TTC7B: variants seen among roughly 807,000 people sequenced by gnomAD.
TTC7B encodes the protein tetratricopeptide repeat domain 7B.
In TTC7B, 28 loss-of-function variants were observed where a neutral mutation model predicts 106.8. That is an observed-to-expected ratio of 0.26 (90% CI 0.19 to 0.36). The LOEUF is 0.36. Among genes scored for constraint, TTC7B ranks in the 10% least tolerant of loss-of-function variants. TTC7B has a pLI of 1.00. For synonymous variants in TTC7B, 405 were observed against 430.6 expected, an observed-to-expected ratio of 0.94 and a Z score of 0.74; for missense variants, 862 against 1,076.4, an observed-to-expected ratio of 0.80 and a Z score of 2.79.
At chr14:90,555,818 C>T (rs549847886) in intron 19 of TTC7B, among the ~76,000 whole-genome samples, 14 of 152,316 alleles carry the variant, frequency 9.2e-5, no homozygotes, top group South Asian at 4.1e-4. Context: ...GAAAAGAGCA[C>T]GAAGGCAAGC....
chr14:90,583,233 C>T (rs890475895), intron 18 of TTC7B, among the ~76,000 whole-genome samples: 3 of 152,320 alleles, frequency 2.0e-5, no homozygotes, highest in Middle Eastern at 3.4e-3. Flanking sequence ...ATGGCTTTCT[C>T]GCTAAACTGT....
At chr14:90,560,471 G>A (rs1259130482) in intron 19 of TTC7B, among the ~76,000 whole-genome samples, 1 of 152,228 alleles carries the variant, frequency 6.6e-6, no homozygotes, top group East Asian at 1.9e-4. Context: ...AAAGCACACT[G>A]TCGTCTTGAT....
chr14:90,715,485 C>G (rs1387773256), intron 5 of TTC7B, among the ~76,000 whole-genome samples: 1 of 152,206 alleles, frequency 6.6e-6, no homozygotes, highest in Admixed American at 6.5e-5. Flanking sequence ...TTATCAAACC[C>G]TTACATAGTA....
At chr14:90,780,431 G>GAA (rs1891174477) in intron 3 of TTC7B, among the ~76,000 whole-genome samples, 5 of 134,458 alleles carry the variant, frequency 3.7e-5, no homozygotes, top group African/African-American at 1.5e-4. Flanking sequence ...AAGAAAGAAA[G>GAA]AGAGAGAGAG....
chr14:90,724,769 T>C (rs952747390), intron 5 of TTC7B, among the ~76,000 whole-genome samples: 68 of 152,348 alleles, frequency 4.5e-4, no homozygotes, highest in African/African-American at 1.6e-3. Flanking sequence ...TATTTCTTTA[T>C]AGCAATGAGA....
At chr14:90,793,788 A>C (rs1891672114) in intron 1 of TTC7B, among the ~76,000 whole-genome samples, 1 of 149,500 alleles carries the variant, frequency 6.7e-6, no homozygotes, top group African/African-American at 2.5e-5. Flanking sequence ...TTGTATTTTT[A>C]GTAGAGACAG....
chr14:90,644,272 C>CAA (rs1595239011), intron 14 of TTC7B, 64 bp from the exon 15 acceptor site: 3 of 1,311,696 alleles, frequency 2.3e-6, no homozygotes, highest in Non-Finnish European at 3.1e-6. Flanking sequence ...CACACACACA[C>CAA]ACACACACGC....
intron 19 of TTC7B, among the ~76,000 whole-genome samples, chr14:90,566,967 C>T (rs575933801): frequency 6.6e-6 from 1 of 150,976 alleles, no homozygotes; most frequent in East Asian, 2.0e-4. Context: ...ACCAAACGCT[C>T]TGGGTGGAGC....
chr14:90,794,519 C>T (rs1312632089), intron 1 of TTC7B, among the ~76,000 whole-genome samples: 1 of 152,100 alleles, frequency 6.6e-6, no homozygotes, highest in East Asian at 1.9e-4. Flanking sequence ...AGCCACCGCA[C>T]CCAGCCCTGG....
intron 19 of TTC7B, among the ~76,000 whole-genome samples, chr14:90,564,141 AT>A (rs1217405429): frequency 6.6e-6 from 1 of 151,944 alleles, no homozygotes; most frequent in Non-Finnish European, 1.5e-5. Context: ...AGGAATCACT[AT>A]CTATGTCTAA....
intron 1 of TTC7B, among the ~76,000 whole-genome samples, chr14:90,804,260 G>A (rs2030464552): frequency 6.6e-6 from 1 of 152,058 alleles, no homozygotes; most frequent in Non-Finnish European, 1.5e-5. Context: ...CGTGAACCCG[G>A]GAGGCGGAGC....
At chr14:90,561,062 G>A (rs939337626) in intron 19 of TTC7B, among the ~76,000 whole-genome samples, 7 of 152,212 alleles carry the variant, frequency 4.6e-5, no homozygotes, top group African/African-American at 7.2e-5. Flanking sequence ...CGCAGGGATC[G>A]CTCACTTGCG....
intron 5 of TTC7B, among the ~76,000 whole-genome samples, chr14:90,707,550 CA>C (rs1400263040): frequency 6.6e-6 from 1 of 151,994 alleles, no homozygotes; most frequent in African/African-American, 2.4e-5. Flanking sequence ...GTTGAAAATG[CA>C]AAGGAAGACT....
chr14:90,806,127 C>T (rs562210061), intron 1 of TTC7B, among the ~76,000 whole-genome samples: 1 of 152,242 alleles, frequency 6.6e-6, no homozygotes, highest in African/African-American at 2.4e-5. Flanking sequence ...GGTTGGGATA[C>T]AGCAATGAAC....
intron 11 of TTC7B, among the ~76,000 whole-genome samples, 188 bp from the exon 12 acceptor site, chr14:90,655,298 C>G (rs1885901330): frequency 1.3e-5 from 2 of 152,148 alleles, no homozygotes. Context: ...GGATTCCTAC[C>G]TTGCTTTTTC....
At chr14:90,610,979 G>A (rs1892849352) in intron 16 of TTC7B, 140 bp from the exon 17 acceptor site, 1 of 682,690 alleles carries the variant, frequency 1.5e-6, no homozygotes, top group Admixed American at 2.2e-5. Context: ...TCTTATGAAG[G>A]AGGCATCCTG....
intron 1 of TTC7B, among the ~76,000 whole-genome samples, chr14:90,798,490 C>T (rs1162887580): frequency 2.6e-5 from 4 of 151,970 alleles, no homozygotes; most frequent in African/African-American, 7.3e-5. Context: ...TCCCAACACT[C>T]GCCTGAGGTC....
chr14:90,717,995 G>C (rs574076717), intron 5 of TTC7B, among the ~76,000 whole-genome samples: 1 of 152,318 alleles, frequency 6.6e-6, no homozygotes, highest in South Asian at 2.1e-4. Flanking sequence ...TTCTTGACCA[G>C]ACAGGATATG....
rs1283827081 is a variant in TTC7B, at chr14:90,805,893, G to A, written c.121+10282C>T. On this transcript the variant is annotated intron_variant, in intron 1 of 19. Transcript: ENST00000328459. The surrounding 1 kb of genome is among the most constrained non-coding windows in gnomAD (Gnocchi z 4.0). ...CCTCCTTGATCCCCCGGGGAAGGTG[G>A]GGCTGTGGCCTTTGCCTCTGGAAGG... Among the ~76,000 whole-genome samples the A allele has an allele frequency of 3.9e-5, 6 of 152,324 alleles. No individual in the cohort carries two copies. In the East Asian group the frequency reaches 1.2e-3, roughly 29 times the overall value.
Sources: allele counts gnomAD v4.1 joint callset (sites outside exome capture counted in the v4.1 genomes callset), GRCh38; gene constraint gnomAD v4.1.1; non-coding constraint Gnocchi (gnomAD v3.1); transcripts MANE v1.5; gene names NCBI Gene and HGNC (gene_info 2026-07-23, HGNC 2026-07-21).